PRKCE: variants seen among roughly 807,000 people sequenced by gnomAD.
The protein encoded by PRKCE is protein kinase C epsilon type.
PRKCE carries 16 observed loss-of-function variants against 85.4 expected under a neutral mutation model. The observed-to-expected ratio is 0.19, with a 90% CI of 0.13 to 0.28. The LOEUF (loss-of-function observed/expected upper bound fraction) is 0.28, where lower values mean the gene tolerates loss of function less well. Among genes scored for constraint, PRKCE ranks in the 10% least tolerant of loss-of-function variants. The pLI is 1.00. For missense variants in PRKCE, 573 were observed against 975.2 expected (o/e 0.59, Z 5.49); for synonymous variants, 388 against 371.5 (o/e 1.04, Z -0.51).
At chr2:46,183,211 G>A (rs1394653942) in intron 14 of PRKCE, among the ~76,000 whole-genome samples, 1 of 152,218 alleles carries the variant, frequency 6.6e-6, no homozygotes, top group Non-Finnish European at 1.5e-5. Context: ...TTTGAGGAAG[G>A]CTAGCCTAAA....
intron 1 of PRKCE, among the ~76,000 whole-genome samples, chr2:45,699,224 G>A (rs964295375): frequency 2.6e-5 from 4 of 152,018 alleles, no homozygotes; most frequent in Non-Finnish European, 5.9e-5. Context: ...ATCCCCAGAG[G>A]TGTCACTCCC....
At chr2:45,782,285 A>C (rs887901673) in intron 1 of PRKCE, among the ~76,000 whole-genome samples, 2 of 152,096 alleles carry the variant, frequency 1.3e-5, no homozygotes. Context: ...TTGATTTTAG[A>C]GACTGTCCTT....
At chr2:45,750,691 A>G (rs1412074322) in intron 1 of PRKCE, among the ~76,000 whole-genome samples, 4 of 152,244 alleles carry the variant, frequency 2.6e-5, no homozygotes, top group East Asian at 1.9e-4. Context: ...AAATGGGACT[A>G]TAATCATACC....
chr2:45,917,203 C>T (rs1335568008), intron 2 of PRKCE, among the ~76,000 whole-genome samples: 5 of 152,188 alleles, frequency 3.3e-5, no homozygotes, highest in South Asian at 2.1e-4. Context: ...AAGTTTTCCA[C>T]GTCCCCACCA....
chr2:45,741,880 G>T (rs1374586314), intron 1 of PRKCE, among the ~76,000 whole-genome samples: 3 of 152,186 alleles, frequency 2.0e-5, no homozygotes, highest in Non-Finnish European at 4.4e-5. Flanking sequence ...GGTTACCCAG[G>T]GTCTCTCCTT....
At chr2:46,128,876 C>T (rs779586217) in intron 11 of PRKCE, among the ~76,000 whole-genome samples, 11 of 152,058 alleles carry the variant, frequency 7.2e-5, no homozygotes, top group African/African-American at 1.4e-4. Flanking sequence ...TGGTCCTGCT[C>T]GTGGGCACTT....
At chr2:46,027,484 G>T (rs1707202421) in intron 10 of PRKCE, among the ~76,000 whole-genome samples, 1 of 152,118 alleles carries the variant, frequency 6.6e-6, no homozygotes, top group Admixed American at 6.5e-5. Flanking sequence ...TGTCAAGGTG[G>T]GTCACAGCTA....
chr2:45,810,736 A>C (rs149604165), intron 1 of PRKCE, among the ~76,000 whole-genome samples: 62 of 152,274 alleles, frequency 4.1e-4, no homozygotes, highest in African/African-American at 1.4e-3. Context: ...GGCATGCACC[A>C]TCATGCTTAG....
intron 13 of PRKCE, among the ~76,000 whole-genome samples, chr2:46,153,431 A>G (rs555966365): frequency 1.3e-5 from 2 of 152,322 alleles, no homozygotes; most frequent in East Asian, 3.9e-4. Context: ...ATGACTGTAT[A>G]TTGTACTAAA....
At chr2:45,655,886 G>T (rs1288653145) in intron 1 of PRKCE, among the ~76,000 whole-genome samples, 1 of 148,202 alleles carries the variant, frequency 6.7e-6, no homozygotes, top group African/African-American at 2.5e-5. Context: ...GGGAGAACTG[G>T]AAGAATCCAG....
At chr2:46,081,633 G>A (rs1373464007) in intron 10 of PRKCE, among the ~76,000 whole-genome samples, 2 of 152,220 alleles carry the variant, frequency 1.3e-5, no homozygotes, top group South Asian at 2.1e-4. Flanking sequence ...AGGGTGAGGA[G>A]GGGAGAGAAG....
chr2:46,109,222 T>G (rs1430319038), intron 11 of PRKCE, among the ~76,000 whole-genome samples: 1 of 152,314 alleles, frequency 6.6e-6, no homozygotes, highest in East Asian at 1.9e-4. Context: ...TGCTGATATC[T>G]GCAAATTAGC....
intron 10 of PRKCE, among the ~76,000 whole-genome samples, chr2:46,021,887 G>T (rs1363046526): frequency 6.6e-6 from 1 of 152,078 alleles, no homozygotes; most frequent in African/African-American, 2.4e-5. Context: ...GTGGTCTGGT[G>T]GTGTTTTCTA....
At chr2:45,990,464 A>G (rs1186967084) in intron 6 of PRKCE, among the ~76,000 whole-genome samples, 1 of 152,182 alleles carries the variant, frequency 6.6e-6, no homozygotes, top group African/African-American at 2.4e-5. Context: ...ATCAGGAGGC[A>G]GCTTAGGGGC....
rs1247144273 is a variant in PRKCE, at chr2:45,706,842, A to G, written c.348+54394A>G. ...ACCTTTCATTTGAACTGTGTCTTTT[A>G]GTTACCAGAGTCCTTTCTCATTCCT... On this transcript the variant is annotated intron_variant, in intron 1 of 14. Coordinates refer to ENST00000306156, the MANE Select transcript of PRKCE (RefSeq NM_005400.3). 1.3e-5 allele frequency among the ~76,000 whole-genome samples: 2 copies of G among 152,218 alleles called. 1 individual carries two copies. The highest frequency in any genetic ancestry group is 1.3e-4 in the Admixed American group (2 of 15,284).
chr2:45,888,757 T>C (rs755941180), intron 2 of PRKCE, among the ~76,000 whole-genome samples: 15 of 152,164 alleles, frequency 9.9e-5, no homozygotes, highest in Admixed American at 3.3e-4. Context: ...TGGCCAGAAA[T>C]ACTCTTCCAA....
chr2:46,115,759 C>G (rs887153594), intron 11 of PRKCE, among the ~76,000 whole-genome samples: 2 of 152,236 alleles, frequency 1.3e-5, no homozygotes, highest in African/African-American at 2.4e-5. Context: ...GAACCAGACA[C>G]AGGCTGCTTT....
chr2:46,053,165 G>A (rs994884219), intron 10 of PRKCE, among the ~76,000 whole-genome samples: 3 of 152,138 alleles, frequency 2.0e-5, no homozygotes, highest in African/African-American at 7.2e-5. Context: ...ATAAACATGG[G>A]GAGAAGCCCC....
chr2:45,853,505 A>G (rs1183706417), intron 2 of PRKCE, among the ~76,000 whole-genome samples: 1 of 152,210 alleles, frequency 6.6e-6, no homozygotes, highest in Non-Finnish European at 1.5e-5. Flanking sequence ...TTTAATTAAA[A>G]TAACTCACCC....
Sources: gnomAD v4.1 joint callset for allele counts (sites outside exome capture counted in the v4.1 genomes callset) on GRCh38, gnomAD v4.1.1 for gene constraint, MANE v1.5 for transcripts, NCBI Gene and HGNC (gene_info 2026-07-23, HGNC 2026-07-21) for gene names.